Variants in MEMO1 observed in about 807,000 individuals in gnomAD.
MEMO1 encodes protein MEMO1.
In MEMO1, 6 loss-of-function variants were observed where a neutral mutation model predicts 45.2. That is an observed-to-expected ratio of 0.13 (90% CI 0.07 to 0.26). MEMO1 has a LOEUF of 0.26. Ranked by LOEUF, MEMO1 falls within the 10% of genes least tolerant of loss-of-function variation. The pLI is 1.00. For missense variants in MEMO1, 184 were observed against 370.5 expected (o/e 0.50, Z 4.13); for synonymous variants, 78 against 124.3 (o/e 0.63, Z 2.48).
intron 2 of MEMO1, among the ~76,000 whole-genome samples, chr2:32,002,545 C>A (rs549207581): frequency 1.3e-5 from 2 of 152,050 alleles, no homozygotes; most frequent in South Asian, 2.1e-4. Context: ...TACCTTCCTG[C>A]CCCTAATACC....
At chr2:31,881,466 G>A (rs1201801382) in intron 8 of MEMO1, among the ~76,000 whole-genome samples, 2 of 122,984 alleles carry the variant, frequency 1.6e-5, no homozygotes, top group African/African-American at 6.2e-5. Context: ...CTACACTCCA[G>A]CCTAGGTGAT....
rs184415709 is a variant in MEMO1, at chr2:31,968,078, G to A, written c.62-24695C>T. Among the ~76,000 whole-genome samples, 52 of 152,272 alleles carry A rather than the reference G, an allele frequency of 3.4e-4. 1 individual carries two copies. In the East Asian group the frequency reaches 9.5e-3, roughly 28 times the overall value. ...GCCAACCAAAAGTCAGGAGTCCTGTGTGTCTCAATCTGTAGGTCAAGAGCC... is the reference window on the plus strand; with the variant it reads ...GCCAACCAAAAGTCAGGAGTCCTGTATGTCTCAATCTGTAGGTCAAGAGCC... On this transcript the variant is annotated intron_variant, in intron 2 of 9. Transcript: ENST00000404530.
chr2:31,915,548 CA>C (rs1336150371), intron 6 of MEMO1, among the ~76,000 whole-genome samples: 1 of 149,020 alleles, frequency 6.7e-6, no homozygotes, highest in Non-Finnish European at 1.5e-5. Context: ...TCTCTTGATC[CA>C]AAAACAGAAG....
chr2:32,007,224 G>A (rs1572967188), intron 2 of MEMO1, among the ~76,000 whole-genome samples: 1 of 152,020 alleles, frequency 6.6e-6, no homozygotes, highest in South Asian at 2.1e-4. Context: ...ACATTTACCT[G>A]CCTCTGTATC....
intron 2 of MEMO1, among the ~76,000 whole-genome samples, chr2:32,000,279 G>A (rs1558568176): frequency 2.0e-5 from 3 of 151,304 alleles, no homozygotes; most frequent in African/African-American, 7.3e-5. Context: ...GCCCAGACTG[G>A]AGTGCAGTGG....
chr2:31,906,218 C>T (rs1350867078), intron 6 of MEMO1, among the ~76,000 whole-genome samples: 1 of 152,194 alleles, frequency 6.6e-6, no homozygotes, highest in African/African-American at 2.4e-5. Context: ...GATCCACCCG[C>T]CTCAACCTCC....
intron 2 of MEMO1, among the ~76,000 whole-genome samples, chr2:31,978,853 G>A (rs1278076619): frequency 6.6e-6 from 1 of 151,840 alleles, no homozygotes; most frequent in Non-Finnish European, 1.5e-5. Flanking sequence ...TTCTATTATG[G>A]CCATCTTTAC....
chr2:31,959,616 G>C lies in MEMO1; in HGVS notation c.62-16233C>G, dbSNP rs996130605. Among the ~76,000 whole-genome samples the C allele has an allele frequency of 6.6e-5, 10 of 151,840 alleles. 1 individual carries two copies. The stretch of plus-strand genomic sequence containing the variant: ...TGCATTTACAAGTAGTTACAGACAA[G>C]ATGAGGTACAAGAAAATGGAGAAAG... On this transcript the variant is annotated intron_variant, in intron 2 of 9. Coordinates refer to ENST00000404530, the MANE Select transcript of MEMO1 (RefSeq NM_001301833.4).
intron 8 of MEMO1, among the ~76,000 whole-genome samples, chr2:31,875,490 C>T (rs1046386558): frequency 6.6e-6 from 1 of 152,142 alleles, no homozygotes; most frequent in Non-Finnish European, 1.5e-5. Context: ...CCCAAACTTA[C>T]ATCTCTAGTC....
chr2:31,943,021 G>T (rs1005046514), intron 3 of MEMO1, among the ~76,000 whole-genome samples: 12 of 152,140 alleles, frequency 7.9e-5, no homozygotes, highest in Non-Finnish European at 1.5e-4. Flanking sequence ...GGCCAGGCGT[G>T]AGCGAGACCG....
rs370496308 is a variant in MEMO1 at position 31,874,647 on chromosome 2, ATACT to A, written c.658-4699_658-4696del. ...TTGAACAGATGTAATCTAAAATTTT[ATACT>A]TAGTTTCTTTTTACTCTATCAAACT... On this transcript the variant is annotated intron_variant, in intron 8 of 9. Coordinates refer to ENST00000404530, the MANE Select transcript of MEMO1 (RefSeq NM_001301833.4). Among the ~76,000 whole-genome samples the A allele has an allele frequency of 2.8e-4, 42 of 152,134 alleles. No individual in the cohort carries two copies. In the East Asian group the frequency reaches 7.3e-3, roughly 27 times the overall value.
At chr2:31,896,574 C>T (rs541609578) in intron 6 of MEMO1, among the ~76,000 whole-genome samples, 13 of 152,040 alleles carry the variant, frequency 8.6e-5, no homozygotes, top group African/African-American at 1.2e-4. Context: ...TGTTCAAGAA[C>T]GAAACAAAGG....
intron 2 of MEMO1, among the ~76,000 whole-genome samples, chr2:32,003,295 A>G (rs1673637704): frequency 6.6e-6 from 1 of 152,228 alleles, no homozygotes; most frequent in South Asian, 2.1e-4. Context: ...TAAGATATAT[A>G]TCATAGAAAT....
chr2:32,010,482 G>C (rs1040959869), intron 1 of MEMO1: 4 of 347,486 alleles, frequency 1.2e-5, no homozygotes, highest in Admixed American at 4.8e-5. Context: ...CACAAACTCC[G>C]GCGACCGCCG....
At chr2:31,919,816 C>T (rs1290337185) in intron 5 of MEMO1, among the ~76,000 whole-genome samples, 2 of 151,656 alleles carry the variant, frequency 1.3e-5, no homozygotes, top group Non-Finnish European at 2.9e-5. Flanking sequence ...GAGTGAGACC[C>T]CATCTCTAAA....
At chr2:31,895,258 C>A (rs976025279) in intron 6 of MEMO1, among the ~76,000 whole-genome samples, 1 of 152,202 alleles carries the variant, frequency 6.6e-6, no homozygotes, top group East Asian at 1.9e-4. Flanking sequence ...GACCCATATT[C>A]GGCGGGAAAA....
intron 6 of MEMO1, among the ~76,000 whole-genome samples, chr2:31,899,557 G>GT (rs1678450496): frequency 6.6e-6 from 1 of 152,106 alleles, no homozygotes; most frequent in African/African-American, 2.4e-5. Flanking sequence ...AAACTTAAAC[G>GT]TAAGACCTAA....
chr2:31,869,720 T>C lies in MEMO1; in HGVS notation c.762+128A>G, dbSNP rs1021651720. On this transcript the variant is annotated intron_variant, in intron 9 of 9. Coordinates refer to ENST00000404530, the MANE Select transcript of MEMO1 (RefSeq NM_001301833.4). ...AAAAGCAATGGAACTCCAAATTATA[T>C]TAAAGATACTAAAAAGAAACTTGAC... 7 of 939,170 alleles carry C rather than the reference T, an allele frequency of 7.5e-6. No homozygotes were observed. In the African/African-American group the frequency reaches 1.2e-4, roughly 16 times the overall value. The allele number at this position is 939,170 out of a possible 1,614,324, so 58.2% of individuals were successfully genotyped here. A position where few individuals can be genotyped will look rare whatever the true frequency, so the allele number is the denominator to read the frequency against.
chr2:31,943,959 T>C (rs1222512449), intron 2 of MEMO1, among the ~76,000 whole-genome samples: 5 of 152,202 alleles, frequency 3.3e-5, no homozygotes, highest in African/African-American at 9.6e-5. Context: ...AGAAACCTGT[T>C]AACTCCAACA....
Sources: allele counts gnomAD v4.1 joint callset (sites outside exome capture counted in the v4.1 genomes callset), GRCh38; gene constraint gnomAD v4.1.1; transcripts MANE v1.5; gene names NCBI Gene and HGNC (gene_info 2026-07-23, HGNC 2026-07-21).